The following STAG1 variants were observed in gnomAD, a reference collection of about 807,000 sequenced individuals.
STAG1 encodes the protein STAG1 cohesin complex component.
Under a neutral mutation model 170.9 loss-of-function variants are expected in STAG1, and 26 were observed. The ratio of observed to expected loss-of-function variants is 0.15; its 90% CI spans 0.11 to 0.21. STAG1 has a LOEUF of 0.21. Among genes scored for constraint, STAG1 ranks in the 10% least tolerant of loss-of-function variants. The pLI is 1.00. For synonymous variants in STAG1, 514 were observed against 497.7 expected, an observed-to-expected ratio of 1.03 and a Z score of -0.44; for missense variants, 964 against 1,509.5, an observed-to-expected ratio of 0.64 and a Z score of 5.99.
At chr3:136,607,979 G>A (rs898484159) in intron 3 of STAG1, among the ~76,000 whole-genome samples, 13 of 152,016 alleles carry the variant, frequency 8.6e-5, no homozygotes, top group African/African-American at 2.9e-4. Flanking sequence ...CTGGTTGGCC[G>A]GGCACAATGG....
intron 1 of STAG1, among the ~76,000 whole-genome samples, chr3:136,714,569 A>G (rs1943469252): frequency 6.6e-6 from 1 of 151,938 alleles, no homozygotes; most frequent in Non-Finnish European, 1.5e-5. Context: ...TCTACTAAAA[A>G]TACAAAAAAT....
chr3:136,683,217 T>C (rs1014396769), intron 1 of STAG1, among the ~76,000 whole-genome samples: 2 of 152,196 alleles, frequency 1.3e-5, no homozygotes, highest in African/African-American at 2.4e-5. Context: ...TATTACCAAT[T>C]GTATATTTAA....
chr3:136,647,292 C>T (rs923207623), intron 1 of STAG1, among the ~76,000 whole-genome samples: 5 of 151,980 alleles, frequency 3.3e-5, no homozygotes, highest in Admixed American at 1.3e-4. Context: ...CTTTCCTGGC[C>T]GGGCATGGTG....
intron 7 of STAG1, among the ~76,000 whole-genome samples, chr3:136,513,366 A>AG (rs1418755078): frequency 4.6e-5 from 7 of 152,098 alleles, no homozygotes; most frequent in African/African-American, 1.4e-4. Context: ...CAAAAAAAAA[A>AG]GGAAGACTTG....
At chr3:136,464,279 C>T (rs1157046414) in intron 13 of STAG1, among the ~76,000 whole-genome samples, 2 of 151,620 alleles carry the variant, frequency 1.3e-5, no homozygotes, top group African/African-American at 2.4e-5. Flanking sequence ...CAAAATTAGC[C>T]GGGCAGGGTG....
chr3:136,418,930 C>T lies in STAG1; in HGVS notation c.2109-958G>A, dbSNP rs564328178. On this transcript the variant is annotated intron_variant, in intron 20 of 33. Coordinates refer to ENST00000383202, the MANE Select transcript of STAG1 (RefSeq NM_005862.3). ...TGCTGGGATTATAGGTGTGAGCCAC[C>T]GCGTCAGGCCTATTTAAAAGTACAT... Among the ~76,000 whole-genome samples, 180 of 152,108 alleles carry T rather than the reference C, an allele frequency of 1.2e-3. 1 individual carries two copies. Among genetic ancestry groups the T allele is most frequent in the Admixed American group, 1.0e-3 (16 of 15,274 alleles).
intron 22 of STAG1, among the ~76,000 whole-genome samples, chr3:136,378,266 G>A (rs1401715135): frequency 2.0e-5 from 3 of 152,366 alleles, no homozygotes; most frequent in African/African-American, 7.2e-5. Flanking sequence ...TTCAGTTATT[G>A]TATTAACTCT....
chr3:136,549,396 C>T (rs372300757), intron 5 of STAG1, among the ~76,000 whole-genome samples: 11 of 152,076 alleles, frequency 7.2e-5, no homozygotes, highest in African/African-American at 2.4e-4. Context: ...CTGCAACCTC[C>T]GTCTCCCAGG....
intron 26 of STAG1, among the ~76,000 whole-genome samples, 194 bp from the exon 27 acceptor site, chr3:136,359,490 G>T (rs1172763721): frequency 6.6e-6 from 1 of 152,084 alleles, no homozygotes; most frequent in African/African-American, 2.4e-5. Context: ...CATGCTAGTG[G>T]TGTGATTAAA....
chr3:136,542,342 G>A, intron 5 of STAG1, 147 bp from the exon 6 acceptor site: 1 of 636,940 alleles, frequency 1.6e-6, no homozygotes, highest in Non-Finnish European at 2.6e-6. Context: ...AATGTTGTTT[G>A]ATCAGGCCCT....
chr3:136,448,253 TC>T (rs1490507056), intron 14 of STAG1, among the ~76,000 whole-genome samples: 25 of 152,204 alleles, frequency 1.6e-4, no homozygotes, highest in Admixed American at 1.6e-3. Context: ...GTTCAGTTAA[TC>T]CCAGGTAAAT....
intron 3 of STAG1, among the ~76,000 whole-genome samples, chr3:136,616,566 T>C (rs1939606722): frequency 6.6e-6 from 1 of 152,174 alleles, no homozygotes; most frequent in South Asian, 2.1e-4. Context: ...AAATTTTTTA[T>C]AGAGATCTTT....
chr3:136,559,697 C>T (rs971339319), intron 5 of STAG1, among the ~76,000 whole-genome samples: 1 of 152,150 alleles, frequency 6.6e-6, no homozygotes, highest in Non-Finnish European at 1.5e-5. Context: ...TCAAGTACCA[C>T]AGGAACTATT....
At chr3:136,599,642 T>A (rs1170767619) in intron 4 of STAG1, among the ~76,000 whole-genome samples, 2 of 152,218 alleles carry the variant, frequency 1.3e-5, no homozygotes, top group African/African-American at 4.8e-5. Flanking sequence ...TTTAAATGGC[T>A]CTTTCATGTT....
intron 4 of STAG1, among the ~76,000 whole-genome samples, chr3:136,590,643 C>T (rs1938117832): frequency 6.6e-6 from 1 of 152,066 alleles, no homozygotes; most frequent in South Asian, 2.1e-4. Context: ...GGACCAGTTC[C>T]AAATATTGGT....
At chr3:136,629,187 T>C (rs1940224499) in intron 2 of STAG1, among the ~76,000 whole-genome samples, 1 of 152,228 alleles carries the variant, frequency 6.6e-6, no homozygotes, top group Non-Finnish European at 1.5e-5. Context: ...CTCTGTTTCA[T>C]ATTTTATCAA....
intron 4 of STAG1, among the ~76,000 whole-genome samples, chr3:136,591,278 G>C (rs1938159729): frequency 6.7e-6 from 1 of 148,420 alleles, no homozygotes; most frequent in African/African-American, 2.5e-5. Flanking sequence ...AGGGGAGGAG[G>C]GAAGGCGGGA....
intron 22 of STAG1, among the ~76,000 whole-genome samples, chr3:136,384,917 A>G (rs1455469686): frequency 6.6e-6 from 1 of 152,224 alleles, no homozygotes; most frequent in Non-Finnish European, 1.5e-5. Flanking sequence ...TGTCATTTTA[A>G]GAAACTAGAA....
chr3:136,690,401 T>C (rs573267364), intron 1 of STAG1, among the ~76,000 whole-genome samples: 1 of 152,298 alleles, frequency 6.6e-6, no homozygotes, highest in East Asian at 1.9e-4. Flanking sequence ...CATGCCCAAC[T>C]AATTTTTGTA....
Sources: allele counts gnomAD v4.1 joint callset (sites outside exome capture counted in the v4.1 genomes callset), GRCh38; gene constraint gnomAD v4.1.1; transcripts MANE v1.5; gene names NCBI Gene and HGNC (gene_info 2026-07-23, HGNC 2026-07-21).